Variants in ALOX12B observed in about 807,000 individuals in gnomAD.
ALOX12B encodes the protein arachidonate 12-lipoxygenase, 12R-type.
Under a neutral mutation model 78.9 loss-of-function variants are expected in ALOX12B, and 47 were observed. That is an observed-to-expected ratio of 0.60 (90% CI 0.47 to 0.76). The LOEUF is 0.76. ALOX12B is among the 30% of genes least tolerant of loss of function. The pLI is 0.00. For synonymous variants in ALOX12B, 370 were observed against 374.5 expected, an observed-to-expected ratio of 0.99 and a Z score of 0.14; for missense variants, 805 against 922.6, an observed-to-expected ratio of 0.87 and a Z score of 1.65.
chr17:8,081,032 G>A (rs1977206571), intron 3 of ALOX12B, 56 bp from the exon 4 acceptor site: 1 of 1,613,282 alleles, frequency 6.2e-7, no homozygotes, highest in Non-Finnish European at 8.5e-7. Context: ...CAGGGCAAAG[G>A]GCCAGAGCCA....
chr17:8,087,702 G>C lies in ALOX12B; in HGVS notation c.-260C>G, dbSNP rs1978307678. On this transcript the variant is annotated 5_prime_UTR_variant, in exon 1 of 15. Coordinates refer to ENST00000647874, the MANE Select transcript of ALOX12B (RefSeq NM_001139.3). Reference sequence around the variant, plus strand: ...CTGGTGGTGAGTGAGCAGGTGTCTGGGCTCCAAGCCTTCTGGGAGCTGGTG... The same window carrying C: ...CTGGTGGTGAGTGAGCAGGTGTCTGCGCTCCAAGCCTTCTGGGAGCTGGTG... The C allele has an allele frequency of 1.8e-6, 1 of 564,776 alleles. No homozygotes were observed. Among genetic ancestry groups the C allele is most frequent in the Non-Finnish European group, 3.2e-6 (1 of 315,662 alleles). The allele number at this position is 564,776 out of a possible 1,614,324, so 35.0% of individuals were successfully genotyped here. A position where few individuals can be genotyped will look rare whatever the true frequency, so the allele number is the denominator to read the frequency against.
At chr17:8,085,840 C>G (rs1354859777) in intron 2 of ALOX12B, among the ~76,000 whole-genome samples, 176 bp downstream of exon 2, 2 of 152,208 alleles carry the variant, frequency 1.3e-5, no homozygotes, top group African/African-American at 2.4e-5. Flanking sequence ...CCAAGCTGAG[C>G]TCAGGGCAGC....
In ALOX12B at chr17:8,079,379, G is replaced by C; in HGVS notation, c.1071+17C>G. 6.4e-7 allele frequency: 1 copy of C among 1,551,854 alleles called. No homozygotes were observed. The highest frequency in any genetic ancestry group is 8.7e-7 in the Non-Finnish European group (1 of 1,147,940). On this transcript the variant is annotated intron_variant, in intron 8 of 14. Coordinates refer to ENST00000647874, the MANE Select transcript of ALOX12B (RefSeq NM_001139.3). The surrounding 1 kb of genome is among the most constrained non-coding windows in gnomAD (Gnocchi z 6.4). ...CACACAGAGGCTCAGCGGCAGCGCC[G>C]CCTGCAGCCCAGGCACCTGGATGGC... is the stretch of plus-strand genomic sequence containing the variant.
chr17:8,074,500 C>A (rs1451821744), intron 12 of ALOX12B, among the ~76,000 whole-genome samples: 1 of 152,104 alleles, frequency 6.6e-6, no homozygotes, highest in Admixed American at 6.5e-5. Context: ...AAACCATCAC[C>A]CAGTCCTGTC....
rs199545653 is a variant in ALOX12B at position 8,075,670 on chromosome 17, C to T, written c.1579G>A (p.Val527Met). Residue 527 changes from valine to methionine, a missense_variant, in exon 12 of 15, where the codon GTG (valine) becomes ATG (methionine). Val to Met is a conservative substitution (Grantham distance 21). Coordinates refer to ENST00000647874, the MANE Select transcript of ALOX12B (RefSeq NM_001139.3). ...ITYYYPSDAA[V>M]EGDPELQSWV... ...GACTGCAATTCCGGATCACCCTCCACGGCTGCGTCACTCGGGTAATAATAG... is the reference window on the plus strand; with the variant it reads ...GACTGCAATTCCGGATCACCCTCCATGGCTGCGTCACTCGGGTAATAATAG... The T allele has an allele frequency of 5.1e-5, 83 of 1,614,056 alleles. No homozygotes were observed. The highest frequency in any genetic ancestry group is 1.2e-4 in the African/African-American group (9 of 74,920).
chr17:8,075,673 C>A lies in ALOX12B; in HGVS notation c.1576G>T (p.Ala526Ser), dbSNP rs764136808. 1 of 1,614,052 alleles carries A rather than the reference C, an allele frequency of 6.2e-7. No individual in the cohort carries two copies. The highest frequency in any genetic ancestry group is 1.3e-5 in the African/African-American group (1 of 74,914). ...IITYYYPSDA[A>S]VEGDPELQSW... The stretch of plus-strand genomic sequence containing the variant: ...TGCAATTCCGGATCACCCTCCACGG[C>A]TGCGTCACTCGGGTAATAATAGGTG... The change falls in exon 12 of 15, where the codon GCC (alanine) becomes TCC (serine). Residue 526 changes from alanine (A) to serine (S), a missense_variant. Ala to Ser is a moderately conservative substitution (Grantham distance 99). Transcript: ENST00000647874.
At position 8,079,286 on chromosome 17, in the gene ALOX12B, G is replaced by C; in HGVS notation, c.1071+110C>G. The C allele has an allele frequency of 1.4e-6, 2 of 1,459,046 alleles. No homozygotes were observed. The highest frequency in any genetic ancestry group is 1.8e-6 in the Non-Finnish European group (2 of 1,086,086). The allele number at this position is 1,459,046 out of a possible 1,614,324, so 90.4% of individuals were successfully genotyped here. On this transcript the variant is annotated intron_variant, in intron 8 of 14. Coordinates refer to ENST00000647874, the MANE Select transcript of ALOX12B (RefSeq NM_001139.3). The surrounding 1 kb of genome is among the most constrained non-coding windows in gnomAD (Gnocchi z 6.4). Reference sequence around the variant, plus strand: ...GGAACCAATCTCTCAAGGATAACGAGAGACGGCTGAATACATGCAGGTCCA... The same window carrying C: ...GGAACCAATCTCTCAAGGATAACGACAGACGGCTGAATACATGCAGGTCCA...
chr17:8,077,514 C>T lies in ALOX12B; in HGVS notation c.1072-321G>A, dbSNP rs74598453. ...GCCACACCTCCACCACATTCAGGTG[C>T]GCAGGTTGTGCACTGCACAAGGATT... On this transcript the variant is annotated intron_variant, in intron 8 of 14. Coordinates refer to ENST00000647874, the MANE Select transcript of ALOX12B (RefSeq NM_001139.3). 2.6e-5 allele frequency among the ~76,000 whole-genome samples: 4 copies of T among 152,336 alleles called. No individual in the cohort carries two copies. In the East Asian group the frequency reaches 5.8e-4, roughly 22 times the overall value.
rs554187503 is a variant in ALOX12B, at chr17:8,085,466, C to T, written c.352+550G>A. ...CCGTCTCAAAAAAAGAAAGCCAGGG[C>T]GTCATAATTATAAGACCGCAGCACC... On this transcript the variant is annotated intron_variant, in intron 2 of 14. Transcript: ENST00000647874. Among the ~76,000 whole-genome samples, 270 of 152,236 alleles carry T rather than the reference C, an allele frequency of 1.8e-3. 2 individuals carry two copies. The highest frequency in any genetic ancestry group is 6.1e-3 in the African/African-American group (252 of 41,546).
chr17:8,085,526 G>A (rs3027299), intron 2 of ALOX12B, among the ~76,000 whole-genome samples: 64,446 of 151,992 alleles, frequency 0.42, 13,939 homozygotes, highest in Admixed American at 0.51. Context: ...GCTTCTAAAT[G>A]GGATAGCAAG....
chr17:8,074,652 T>G (rs973027756), intron 12 of ALOX12B, among the ~76,000 whole-genome samples: 1 of 152,184 alleles, frequency 6.6e-6, no homozygotes, highest in Non-Finnish European at 1.5e-5. Context: ...CATACAAGTC[T>G]GATCTCCTTG....
In ALOX12B at chr17:8,079,793, T is replaced by C; in HGVS notation, c.903A>G (p.Gly301=). 6.2e-7 allele frequency: 1 copy of C among 1,612,892 alleles called. No homozygotes were observed. Among genetic ancestry groups the C allele is most frequent in the Non-Finnish European group, 8.5e-7 (1 of 1,179,866 alleles). ...CCTCCAGCTCCGCTTGCAAGCACGT[T>C]CCCTCGCCCAGGAACGGAGCCACCA... The part of the protein sequence containing the change: ...DDMVAPFLGE[G]TCLQAELEKG... Residue 301 remains glycine (G), a synonymous_variant, in exon 7 of 15, where the codon GGA becomes GGG. Transcript: ENST00000647874. The surrounding 1 kb of genome is among the most constrained non-coding windows in gnomAD (Gnocchi z 6.4).
rs774333332 is a variant in ALOX12B at position 8,077,000 on chromosome 17, G to A, written c.1265C>T (p.Pro422Leu). ...CTCCCAAGCCCATACCTTGTAGAGGGGGTGGCACATGGGCAGGTTCCTCAG... is the reference window on the plus strand; with the variant it reads ...CTCCCAAGCCCATACCTTGTAGAGGAGGTGGCACATGGGCAGGTTCCTCAG... ...ALLRNLPMCH[P>L]LYKLLIPHTR... The change falls in exon 9 of 15, where the codon CCC (proline) becomes CTC (leucine). Residue 422 changes from proline to leucine, a missense_variant. Physicochemically the swap from Pro to Leu is moderately conservative, Grantham distance 98. Coordinates refer to ENST00000647874, the MANE Select transcript of ALOX12B (RefSeq NM_001139.3). 114 of 1,613,452 alleles carry A rather than the reference G, an allele frequency of 7.1e-5. No individual in the cohort carries two copies. Among genetic ancestry groups the A allele is most frequent in the Non-Finnish European group, 9.4e-5 (111 of 1,179,950 alleles).
rs1360377261 is a variant in ALOX12B, at chr17:8,080,727, T to A, written c.581A>T (p.Lys194Met). The A allele has an allele frequency of 1.9e-6, 3 of 1,614,188 alleles. No homozygotes were observed. Among genetic ancestry groups the A allele is most frequent in the Non-Finnish European group, 2.5e-6 (3 of 1,180,028 alleles). The change falls in exon 5 of 15, where the codon AAG (lysine) becomes ATG (methionine). Residue 194 changes from lysine (K) to methionine (M), a missense_variant. Transcript: ENST00000647874. This position sits in a 1 kb window ranked among gnomAD's most constrained non-coding sequence, Gnocchi z 4.8. ...FPILINFKATKFLNLNLRYSF... is the reference protein window; with the variant it reads ...FPILINFKATMFLNLNLRYSF... ...GTAGCGGAGATTTAAGTTCAGGAACTTGGTGGCCTTAAAGTTGATGAGAAT... is the reference window on the plus strand; with the variant it reads ...GTAGCGGAGATTTAAGTTCAGGAACATGGTGGCCTTAAAGTTGATGAGAAT...
In ALOX12B at chr17:8,087,565, G is replaced by A; in HGVS notation, c.-123C>T. On this transcript the variant is annotated 5_prime_UTR_variant, in exon 1 of 15. Coordinates refer to ENST00000647874, the MANE Select transcript of ALOX12B (RefSeq NM_001139.3). ...GGAGTGGACAGGGCTGGCCTCCGAGGTGCAGTGGTGAGGTGGCGAGGTGGG... is the reference window on the plus strand; with the variant it reads ...GGAGTGGACAGGGCTGGCCTCCGAGATGCAGTGGTGAGGTGGCGAGGTGGG... 2 of 1,517,002 alleles carry A rather than the reference G, an allele frequency of 1.3e-6. No homozygotes were observed. The highest frequency in any genetic ancestry group is 1.8e-6 in the Non-Finnish European group (2 of 1,110,470). 94.0% of individuals were successfully genotyped at this position (1,517,002 alleles called of 1,614,324 possible). A position where few individuals can be genotyped will look rare whatever the true frequency, so the allele number is the denominator to read the frequency against.
intron 2 of ALOX12B, among the ~76,000 whole-genome samples, chr17:8,083,644 A>C (rs1210909230): frequency 6.6e-6 from 1 of 152,016 alleles, no homozygotes; most frequent in African/African-American, 2.4e-5. Context: ...CAGGAAAATC[A>C]CTTGAACCCA....
chr17:8,077,617 TGG>T (rs1290224348), intron 8 of ALOX12B, among the ~76,000 whole-genome samples: 1 of 152,236 alleles, frequency 6.6e-6, no homozygotes, highest in Admixed American at 6.5e-5. Flanking sequence ...CATCAGGCTC[TGG>T]GGCTCTGGCC....
At chr17:8,081,436 C>G (rs536747508) in intron 2 of ALOX12B, 2 of 580,698 alleles carry the variant, frequency 3.4e-6, no homozygotes, top group African/African-American at 1.9e-5. Flanking sequence ...AGTCCCTCCT[C>G]TAGACCCACT....
rs1470190596 is a variant in ALOX12B at position 8,080,906 on chromosome 17, G to A, written c.505C>T (p.His169Tyr). The change falls in exon 4 of 15, where the codon CAT becomes TAT. Residue 169 changes from histidine (H) to tyrosine (Y), a missense_variant. Physicochemically the swap from His to Tyr is moderately conservative, Grantham distance 83 (BLOSUM62 2). Coordinates refer to ENST00000647874, the MANE Select transcript of ALOX12B (RefSeq NM_001139.3). The surrounding 1 kb of genome is among the most constrained non-coding windows in gnomAD (Gnocchi z 4.8). The stretch of plus-strand genomic sequence containing the variant: ...TACTCAGGCCGGTTGGGGTTGCGAT[G>A]CCTCCGCACCGGAGGGCGGTAACTG... ...IPSYRPPVRRHRNPNRPEWNG... is the reference protein window; with the variant it reads ...IPSYRPPVRRYRNPNRPEWNG... 6.2e-7 allele frequency: 1 copy of A among 1,613,926 alleles called. No homozygotes were observed.
Sources: gnomAD v4.1 joint callset for allele counts (sites outside exome capture counted in the v4.1 genomes callset) on GRCh38, gnomAD v4.1.1 for gene constraint, Gnocchi (gnomAD v3.1) non-coding constraint, MANE v1.5 for transcripts, NCBI Gene and HGNC (gene_info 2026-07-23, HGNC 2026-07-21) for gene names.